Variants in TOPAZ1 observed in about 807,000 individuals in gnomAD.
TOPAZ1 encodes the protein protein TOPAZ1.
TOPAZ1 carries 66 observed loss-of-function variants against 172.2 expected under a neutral mutation model. That is an observed-to-expected ratio of 0.38 (90% CI 0.31 to 0.47). The LOEUF (loss-of-function observed/expected upper bound fraction) is 0.47, where lower values mean the gene tolerates loss of function less well. Ranked by LOEUF, TOPAZ1 falls within the 20% of genes least tolerant of loss-of-function variation. The pLI, the probability that TOPAZ1 is intolerant of heterozygous loss-of-function variation, is 0.99. For missense variants in TOPAZ1, 1,822 were observed against 1,972.4 expected, an observed-to-expected ratio of 0.92 and a Z score of 1.44; for synonymous variants, 681 against 683.9, an observed-to-expected ratio of 1.00 and a Z score of 0.07.
At position 44,304,204 on chromosome 3, in the gene TOPAZ1, A is replaced by G. The variant is rs1165991319; in HGVS notation, c.3864+123A>G. ...AGAAATGTGGCTGTTATACAGAGAA[A>G]ATGCTCAAGGAAAGGAAGTTTTGTT... On this transcript the variant is annotated intron_variant, in intron 13 of 19. Coordinates refer to ENST00000309765, the MANE Select transcript of TOPAZ1 (RefSeq NM_001145030.2). 4 of 528,544 alleles carry G rather than the reference A, an allele frequency of 7.6e-6. No individual in the cohort carries two copies. In the East Asian group the frequency reaches 9.6e-5, roughly 13 times the overall value. The allele number at this position is 528,544 out of a possible 1,614,324, so 32.7% of individuals were successfully genotyped here.
Position 44,256,208 on chromosome 3 carries a change from A to G in TOPAZ1, c.2885A>G (p.Asn962Ser). The change falls in exon 4 of 20, where the codon AAT becomes AGT. Residue 962 changes from asparagine (N) to serine (S), a missense_variant. Coordinates refer to ENST00000309765, the MANE Select transcript of TOPAZ1 (RefSeq NM_001145030.2). ...AACACTTCCTTAGGAGAAGTTGCTA[A>G]TGAGACCTCTGAAAATGAAACACTG... is the stretch of plus-strand genomic sequence containing the variant. ...DVNTSLGEVA[N>S]ETSENETLGD... The G allele has an allele frequency of 6.5e-7, 1 of 1,533,894 alleles. No individual in the cohort carries two copies. The highest frequency in any genetic ancestry group is 8.8e-7 in the Non-Finnish European group (1 of 1,142,114).
In TOPAZ1 at chr3:44,243,779, AAAG is replaced by A. The variant is rs1440748891; in HGVS notation, c.1279_1281del (p.Glu427del). On this transcript the variant is annotated inframe_deletion, in exon 2 of 20. Coordinates refer to ENST00000309765, the MANE Select transcript of TOPAZ1 (RefSeq NM_001145030.2). The stretch of plus-strand genomic sequence containing the variant: ...TCAGAAAACCATTGAACCACTTTTG[AAAG>A]AAGAAACAGAGAATGCTTCAGAGCC... 1 of 1,551,788 alleles carries A rather than the reference AAAG, an allele frequency of 6.4e-7. No homozygotes were observed.
At chr3:44,257,408 TCTATTTTATATATTTTATATATATATAAA>T (rs1699723209) in intron 4 of TOPAZ1, among the ~76,000 whole-genome samples, 30 of 112,430 alleles carry the variant, frequency 2.7e-4, no homozygotes, top group Admixed American at 4.3e-4. Flanking sequence ...TGTGTGTGTG[TCTATTTTATATATTTTATATATATATAAA>T]ATGTGTGTGT....
intron 19 of TOPAZ1, among the ~76,000 whole-genome samples, chr3:44,330,374 A>G (rs1256123007): frequency 1.3e-5 from 2 of 152,208 alleles, no homozygotes; most frequent in Admixed American, 1.3e-4. Flanking sequence ...TGACATACCT[A>G]AATCTTTGAT....
chr3:44,296,847 C>CAAAA (rs141080618), intron 12 of TOPAZ1, among the ~76,000 whole-genome samples: 53 of 104,736 alleles, frequency 5.1e-4, no homozygotes, highest in South Asian at 1.2e-3. Flanking sequence ...CAGAGAATAC[C>CAAAA]AAAAAAAAAA....
At chr3:44,288,553 C>T (rs1379472606) in intron 11 of TOPAZ1, among the ~76,000 whole-genome samples, 2 of 152,032 alleles carry the variant, frequency 1.3e-5, no homozygotes, top group Non-Finnish European at 2.9e-5. Flanking sequence ...GGCATGGTGG[C>T]GCACTCCTAT....
chr3:44,247,528 C>G (rs1699579973), intron 2 of TOPAZ1, among the ~76,000 whole-genome samples: 1 of 152,196 alleles, frequency 6.6e-6, no homozygotes, highest in Non-Finnish European at 1.5e-5. Context: ...TTTTATATTA[C>G]TAAGCCTTGT....
intron 5 of TOPAZ1, among the ~76,000 whole-genome samples, chr3:44,263,399 C>T (rs765699927): frequency 3.3e-4 from 50 of 152,114 alleles, no homozygotes; most frequent in Non-Finnish European, 6.2e-4. Context: ...TGACATTGAT[C>T]GGTTAAGTCA....
rs767055774 is a variant in TOPAZ1, at chr3:44,290,863, T to C, written c.3774T>C (p.Thr1258=). 3.2e-6 allele frequency: 5 copies of C among 1,547,822 alleles called. No homozygotes were observed. In the South Asian group the frequency reaches 6.0e-5, roughly 19 times the overall value. Residue 1258 remains threonine (T), a synonymous_variant, in exon 12 of 20, where the codon ACT becomes ACC. Coordinates refer to ENST00000309765, the MANE Select transcript of TOPAZ1 (RefSeq NM_001145030.2). ...YQVQASKQEI[T]AVLEMKSRLQ... ...TACAAGCTTCCAAACAAGAAATAACTGCAGTTCTGGAAATGAAATCGAGGT... is the reference window on the plus strand; with the variant it reads ...TACAAGCTTCCAAACAAGAAATAACCGCAGTTCTGGAAATGAAATCGAGGT...
In TOPAZ1 at chr3:44,323,400, G is replaced by A. The variant is rs539653826; in HGVS notation, c.4675+105G>A. ...GATATTTATATGTATTAAAAGAGCAGTAATACATATTCAAATGTAGTGGTC... is the reference window on the plus strand; with the variant it reads ...GATATTTATATGTATTAAAAGAGCAATAATACATATTCAAATGTAGTGGTC... On this transcript the variant is annotated intron_variant, in intron 18 of 19. Transcript: ENST00000309765. 8 of 646,524 alleles carry A rather than the reference G, an allele frequency of 1.2e-5. No individual in the cohort carries two copies. In the South Asian group the frequency reaches 1.6e-4, roughly 13 times the overall value. The allele number at this position is 646,524 out of a possible 1,614,324, so 40.0% of individuals were successfully genotyped here. A position where few individuals can be genotyped will look rare whatever the true frequency, so the allele number is the denominator to read the frequency against.
At position 44,299,654 on chromosome 3, in the gene TOPAZ1, T is replaced by C. The variant is rs542615519; in HGVS notation, c.3798-4361T>C. Reference sequence around the variant, plus strand: ...GCTGCTATAAAGACACAAGCACATGTATGTTTATTGCGGCACTATTCACAA... The same window carrying C: ...GCTGCTATAAAGACACAAGCACATGCATGTTTATTGCGGCACTATTCACAA... On this transcript the variant is annotated intron_variant, in intron 12 of 19. Coordinates refer to ENST00000309765, the MANE Select transcript of TOPAZ1 (RefSeq NM_001145030.2). 5.9e-5 allele frequency among the ~76,000 whole-genome samples: 9 copies of C among 152,206 alleles called. No homozygotes were observed. The East Asian group carries it at 1.7e-3, about 29-fold the overall frequency.
At chr3:44,330,059 G>C (rs559919420) in intron 19 of TOPAZ1, among the ~76,000 whole-genome samples, 1 of 152,274 alleles carries the variant, frequency 6.6e-6, no homozygotes, top group African/African-American at 2.4e-5. Flanking sequence ...TGTCACTTCT[G>C]TTCTCCTTTT....
chr3:44,332,993 GTT>G (rs112385784), downstream of TOPAZ1, among the ~76,000 whole-genome samples: 4 of 137,174 alleles, frequency 2.9e-5, no homozygotes. Flanking sequence ...TTTTTTTGTG[GTT>G]TTTTTTTTTT....
intron 16 of TOPAZ1, among the ~76,000 whole-genome samples, chr3:44,320,234 T>A (rs1436650723): frequency 6.6e-6 from 1 of 152,162 alleles, no homozygotes; most frequent in Non-Finnish European, 1.5e-5. Flanking sequence ...TTTTATAACA[T>A]ATATTATTCT....
chr3:44,322,553 G>A (rs1244487164), intron 17 of TOPAZ1, among the ~76,000 whole-genome samples: 5 of 151,978 alleles, frequency 3.3e-5, no homozygotes, highest in Non-Finnish European at 7.4e-5. Context: ...ATGCTTTTTC[G>A]TTTCTGACTT....
downstream of TOPAZ1, among the ~76,000 whole-genome samples, chr3:44,332,538 C>G (rs1396451806): frequency 1.3e-5 from 2 of 151,984 alleles, no homozygotes; most frequent in African/African-American, 4.8e-5. Flanking sequence ...TCTTGGAATA[C>G]TAGATGAGTT....
At chr3:44,310,471 C>T (rs1282340931) in intron 16 of TOPAZ1, among the ~76,000 whole-genome samples, 1 of 152,086 alleles carries the variant, frequency 6.6e-6, no homozygotes. Context: ...TGCAGTCCAG[C>T]CTGGGCAACA....
chr3:44,242,217 G>T lies in TOPAZ1; in HGVS notation c.164G>T (p.Arg55Leu), dbSNP rs1437646380. 1 of 1,545,054 alleles carries T rather than the reference G, an allele frequency of 6.5e-7. No homozygotes were observed. Among genetic ancestry groups the T allele is most frequent in the Non-Finnish European group, 8.7e-7 (1 of 1,145,044 alleles). ...AAGCAAAAGAGGAGAATGGTGGCCC[G>T]GGCCACCCCTGGGAGAGGCGAGGTG... ...ENKQKRRMVA[R>L]ATPGRGEVES... Residue 55 changes from arginine to leucine, a missense_variant, in exon 1 of 20, where the codon CGG becomes CTG. Arg to Leu is a moderately radical substitution (Grantham distance 102, BLOSUM62 -2). This residue lies in a region of TOPAZ1 where 1,489 missense variants were observed against 1,490.8 expected (regional missense o/e 1.00). Transcript: ENST00000309765.
intron 8 of TOPAZ1, among the ~76,000 whole-genome samples, 157 bp downstream of exon 8, chr3:44,270,967 TG>T (rs1699889943): frequency 6.6e-6 from 1 of 152,234 alleles, no homozygotes; most frequent in African/African-American, 2.4e-5. Flanking sequence ...TTCTTTAGTC[TG>T]TCTTCTTTTG....
Sources: gnomAD v4.1 joint callset for allele counts (sites outside exome capture counted in the v4.1 genomes callset) on GRCh38, gnomAD v4.1.1 for gene constraint, gnomAD v4.1.1 regional missense constraint, MANE v1.5 for transcripts, NCBI Gene and HGNC (gene_info 2026-07-23, HGNC 2026-07-21) for gene names.